The following FAM149A variants were observed in gnomAD, a reference collection of about 807,000 sequenced individuals.
FAM149A encodes the protein family with sequence similarity 149 member A.
FAM149A carries 71 observed loss-of-function variants against 78.2 expected under a neutral mutation model. The observed-to-expected ratio is 0.91, with a 90% CI of 0.75 to 1.11. The LOEUF is 1.11. FAM149A is among the 50% of genes least tolerant of loss of function. The pLI is 0.00. For missense variants in FAM149A, 1,036 were observed against 971.0 expected, an observed-to-expected ratio of 1.07 and a Z score of -0.89; for synonymous variants, 446 against 410.5, an observed-to-expected ratio of 1.09 and a Z score of -1.04.
At chr4:186,149,326 C>T in intron 2 of FAM149A, 43 bp downstream of exon 2, 1 of 1,268,536 alleles carries the variant, frequency 7.9e-7, no homozygotes. Flanking sequence ...CACAAAATGC[C>T]CGTAACAAAT....
intron 6 of FAM149A, 143 bp downstream of exon 6, chr4:186,154,781 C>G: frequency 1.4e-6 from 2 of 1,413,576 alleles, no homozygotes; most frequent in Non-Finnish European, 1.8e-6. Context: ...AATGTACTCC[C>G]CAGAGCTTTT....
At chr4:186,153,855 T>C in intron 5 of FAM149A, 85 bp downstream of exon 5, 1 of 1,453,250 alleles carries the variant, frequency 6.9e-7, no homozygotes, top group Non-Finnish European at 9.3e-7. Flanking sequence ...CTATAAGCCT[T>C]GGCTCCACCC....
At chr4:186,133,233 A>C (rs766348628) in intron 1 of FAM149A, 5 of 976,682 alleles carry the variant, frequency 5.1e-6, no homozygotes, top group Non-Finnish European at 6.1e-6. Flanking sequence ...TAACAATTTT[A>C]AGTGTACCAT....
At chr4:186,156,961 C>A (rs1043546537) in intron 7 of FAM149A, among the ~76,000 whole-genome samples, 3 of 151,674 alleles carry the variant, frequency 2.0e-5, no homozygotes, top group African/African-American at 7.3e-5. Flanking sequence ...CATCTCTCCC[C>A]CAAAAATAGC....
intron 13 of FAM149A, chr4:186,170,807 C>G (rs1362302484): frequency 6.6e-6 from 1 of 152,276 alleles, no homozygotes. Context: ...AACAGAGGGA[C>G]AGAGGGACCT....
At position 186,146,932 on chromosome 4, in the gene FAM149A, C is replaced by T. The variant is rs911150949; in HGVS notation, c.567-2241C>T. On this transcript the variant is annotated intron_variant, in intron 1 of 13. Transcript: ENST00000389354. ...TCAACCGAGGGCATCTTTTGTGTGA[C>T]GAGTGTTATTTCAGGTGCTTAGCTT... is the stretch of plus-strand genomic sequence containing the variant. 6.0e-5 allele frequency: 59 copies of T among 985,340 alleles called. No individual in the cohort carries two copies. In the African/African-American group the frequency reaches 6.5e-4, roughly 11 times the overall value. The allele number at this position is 985,340 out of a possible 1,614,324, so 61.0% of individuals were successfully genotyped here.
chr4:186,115,404 C>T (rs1278639090), intron 1 of FAM149A, among the ~76,000 whole-genome samples: 2 of 149,626 alleles, frequency 1.3e-5, no homozygotes, highest in African/African-American at 2.5e-5. Context: ...TCGTCAAAGT[C>T]ATTCTCCATC....
chr4:186,105,311 T>TC lies in FAM149A; in HGVS notation c.238dup (p.Arg80ProfsTer21). ...CGCCCCGCTGCTCTCCTCCCCCTAC[T>TC]CCCGGGGCTCCGCCGCCAGCCGCGC... On this transcript the variant is annotated frameshift_variant, in exon 1 of 14. Transcript: ENST00000389354. LOFTEE classifies it high-confidence loss of function. 8.6e-7 allele frequency: 1 copy of TC among 1,168,488 alleles called. No individual in the cohort carries two copies. Among genetic ancestry groups the TC allele is most frequent in the Non-Finnish European group, 1.1e-6 (1 of 939,496 alleles). The allele number at this position is 1,168,488 out of a possible 1,614,324, so 72.4% of individuals were successfully genotyped here.
At chr4:186,158,723 C>G in intron 8 of FAM149A, 2 of 1,100,200 alleles carry the variant, frequency 1.8e-6, no homozygotes, top group South Asian at 2.6e-5. Context: ...GGTGCAGGTA[C>G]CCCCTGTGCC....
At chr4:186,125,490 C>T (rs768671423) in intron 1 of FAM149A, 2 of 375,716 alleles carry the variant, frequency 5.3e-6, no homozygotes, top group African/African-American at 2.2e-5. Context: ...ATAGTCCGTC[C>T]GTCAGCCAGC....
intron 5 of FAM149A, among the ~76,000 whole-genome samples, 184 bp from the exon 6 acceptor site, chr4:186,154,284 G>A (rs552887069): frequency 2.0e-5 from 3 of 152,302 alleles, no homozygotes; most frequent in Admixed American, 2.0e-4. Context: ...CCCTTAAAAT[G>A]TTTAATGATG....
At chr4:186,141,798 A>T (rs1393167135) in intron 1 of FAM149A, among the ~76,000 whole-genome samples, 2 of 152,162 alleles carry the variant, frequency 1.3e-5, no homozygotes, top group African/African-American at 2.4e-5. Context: ...GATCCCCAAG[A>T]TAATAGGGCT....
In FAM149A at chr4:186,149,031, T is replaced by TGTGCGC. The variant is rs776191178; in HGVS notation, c.567-141_567-140insTGCGCG. 542 of 339,166 alleles carry TGTGCGC rather than the reference T, an allele frequency of 1.6e-3. 1 individual carries two copies. The highest frequency in any genetic ancestry group is 5.4e-3 in the African/African-American group (237 of 43,970). The allele number at this position is 339,166 out of a possible 1,614,324, so 21.0% of individuals were successfully genotyped here. A position where few individuals can be genotyped will look rare whatever the true frequency, so the allele number is the denominator to read the frequency against. ...GTGTGTGTGTGTGTGTGTGTGTGTGTGCGCTCATGCACAGGTGGGTTTGGA... is the reference window on the plus strand; with the variant it reads ...GTGTGTGTGTGTGTGTGTGTGTGTGTGTGCGCGCGCTCATGCACAGGTGGGTTTGGA... On this transcript the variant is annotated intron_variant, in intron 1 of 13. Coordinates refer to ENST00000389354, the MANE Select transcript of FAM149A (RefSeq NM_001367768.3).
At chr4:186,121,169 A>G (rs1436278545) in intron 1 of FAM149A, among the ~76,000 whole-genome samples, 2 of 152,192 alleles carry the variant, frequency 1.3e-5, no homozygotes, top group African/African-American at 4.8e-5. Context: ...TTTTATTCAT[A>G]CTAGAACGGC....
chr4:186,168,112 C>T (rs918680637), intron 13 of FAM149A, among the ~76,000 whole-genome samples: 13 of 152,180 alleles, frequency 8.5e-5, no homozygotes, highest in East Asian at 1.9e-4. Flanking sequence ...GTAAGCATTG[C>T]GTAGCACAGA....
chr4:186,160,063 C>T (rs563064598), intron 8 of FAM149A, among the ~76,000 whole-genome samples: 48 of 140,252 alleles, frequency 3.4e-4, no homozygotes, highest in East Asian at 2.0e-3. Flanking sequence ...CCATACACCA[C>T]GCACACACCA....
chr4:186,155,853 T>G, intron 6 of FAM149A, 147 bp from the exon 7 acceptor site: 1 of 548,036 alleles, frequency 1.8e-6, no homozygotes, highest in Non-Finnish European at 2.9e-6. Flanking sequence ...TGGAAAAAAA[T>G]TATATATGTT....
rs1001269492 is a variant in FAM149A at position 186,123,615 on chromosome 4, C to T, written c.566+17973C>T. 3.1e-4 allele frequency among the ~76,000 whole-genome samples: 47 copies of T among 152,188 alleles called. 1 individual carries two copies. The highest frequency in any genetic ancestry group is 1.1e-3 in the African/African-American group (46 of 41,450). Reference sequence around the variant, plus strand: ...TTTGTGACACGACCCACTGCAGGATCAAGGACCAAACACTTTCCCTCTGGG... The same window carrying T: ...TTTGTGACACGACCCACTGCAGGATTAAGGACCAAACACTTTCCCTCTGGG... On this transcript the variant is annotated intron_variant, in intron 1 of 13. Coordinates refer to ENST00000389354, the MANE Select transcript of FAM149A (RefSeq NM_001367768.3).
intron 13 of FAM149A, among the ~76,000 whole-genome samples, chr4:186,168,750 CTG>C (rs1218342554): frequency 2.0e-5 from 3 of 152,314 alleles, no homozygotes; most frequent in Admixed American, 1.3e-4. Context: ...AGTGCTCACT[CTG>C]TGCCAAGGTC....
Sources: allele counts gnomAD v4.1 joint callset (sites outside exome capture counted in the v4.1 genomes callset), GRCh38; gene constraint gnomAD v4.1.1; transcripts MANE v1.5; gene names NCBI Gene and HGNC (gene_info 2026-07-23, HGNC 2026-07-21).